MED17: variants seen among roughly 807,000 people sequenced by gnomAD.
MED17 encodes mediator complex subunit 17.
A neutral mutation model predicts 80.8 loss-of-function variants in MED17; 49 were observed. The ratio of observed to expected loss-of-function variants is 0.61; its 90% CI spans 0.48 to 0.77. The LOEUF (loss-of-function observed/expected upper bound fraction) is 0.77, where lower values mean the gene tolerates loss of function less well. MED17 is among the 30% of genes least tolerant of loss of function. MED17 has a pLI of 0.00. For synonymous variants in MED17, 281 were observed against 280.4 expected, an observed-to-expected ratio of 1.00 and a Z score of -0.02; for missense variants, 718 against 787.0, an observed-to-expected ratio of 0.91 and a Z score of 1.05.
intron 3 of MED17, 60 bp from the exon 4 acceptor site, chr11:93,793,668 A>G (rs1591384611): frequency 1.7e-6 from 2 of 1,207,622 alleles, no homozygotes; most frequent in Non-Finnish European, 2.4e-6. Flanking sequence ...ATATTTAATA[A>G]TGTGTGTCGG....
At chr11:93,810,026 A>G (rs747506778) in intron 11 of MED17, 150 bp downstream of exon 11, 1 of 782,368 alleles carries the variant, frequency 1.3e-6, no homozygotes, top group South Asian at 1.4e-5. Context: ...GATCATAGCT[A>G]TTATGCAGAG....
chr11:93,787,463 G>T (rs1356488654), intron 1 of MED17, among the ~76,000 whole-genome samples: 1 of 152,084 alleles, frequency 6.6e-6, no homozygotes, highest in Non-Finnish European at 1.5e-5. Context: ...GTTAATAGTG[G>T]TTACCTCTCA....
intron 8 of MED17, among the ~76,000 whole-genome samples, chr11:93,799,609 A>C (rs998641179): frequency 6.6e-6 from 1 of 152,176 alleles, no homozygotes; most frequent in Non-Finnish European, 1.5e-5. Context: ...GCCCATCTCT[A>C]CAAAAAAATA....
chr11:93,807,465 T>C (rs1370527142), intron 9 of MED17, 53 bp from the exon 10 acceptor site: 8 of 939,500 alleles, frequency 8.5e-6, no homozygotes, highest in Non-Finnish European at 1.4e-5. Flanking sequence ...ATTTATGAAA[T>C]TGTATAAGAT....
intron 6 of MED17, chr11:93,795,393 CTTA>C (rs1943888952): frequency 3.0e-6 from 1 of 337,634 alleles, no homozygotes; most frequent in Non-Finnish European, 5.5e-6. Flanking sequence ...GGGATCCTGC[CTTA>C]TTATCTAAAT....
chr11:93,796,440 C>A lies in MED17; in HGVS notation c.1043C>A (p.Ser348Tyr). Residue 348 changes from serine to tyrosine, a missense_variant, in exon 7 of 12, where the codon TCC becomes TAC. Coordinates refer to ENST00000251871, the MANE Select transcript of MED17 (RefSeq NM_004268.5). ...CAGTTATCTATTTCTTTGTGCCATT[C>A]CTCAAATGATAAGAAATCCCAAAAA... The part of the protein sequence containing the change: ...SLQLSISLCH[S>Y]SNDKKSQKFA... 2 of 1,612,990 alleles carry A rather than the reference C, an allele frequency of 1.2e-6. No individual in the cohort carries two copies. Among genetic ancestry groups the A allele is most frequent in the East Asian group, 2.2e-5 (1 of 44,874 alleles).
At chr11:93,790,471 C>T in intron 2 of MED17, 103 bp from the exon 3 acceptor site, 1 of 975,384 alleles carries the variant, frequency 1.0e-6, no homozygotes, top group Admixed American at 1.9e-5. Flanking sequence ...ACTTGCCCCT[C>T]CTTTTTGCTT....
intron 9 of MED17, among the ~76,000 whole-genome samples, chr11:93,804,603 CT>C (rs954514924): frequency 2.0e-5 from 3 of 151,766 alleles, no homozygotes; most frequent in South Asian, 4.2e-4. Flanking sequence ...TCTTTAAAAA[CT>C]TTTTTTTTAC....
At chr11:93,803,049 T>C (rs1434472180) in intron 9 of MED17, among the ~76,000 whole-genome samples, 1 of 152,170 alleles carries the variant, frequency 6.6e-6, no homozygotes, top group East Asian at 1.9e-4. Flanking sequence ...ACAATGCTGT[T>C]GTCCAGGCTG....
At chr11:93,791,626 A>T (rs1943836931) in intron 3 of MED17, among the ~76,000 whole-genome samples, 1 of 152,048 alleles carries the variant, frequency 6.6e-6, no homozygotes. Context: ...TGATCCCTTG[A>T]GCCCAGGAGG....
intron 2 of MED17, 75 bp from the exon 3 acceptor site, chr11:93,790,499 A>T: frequency 7.5e-7 from 1 of 1,337,690 alleles, no homozygotes. Context: ...ACTTCATTTT[A>T]TTATTGATAA....
chr11:93,801,457 T>A (rs1943961147), intron 8 of MED17: 1 of 226,540 alleles, frequency 4.4e-6, no homozygotes, highest in Non-Finnish European at 8.9e-6. Flanking sequence ...TTACCAGGGA[T>A]CAAGTACTGA....
chr11:93,811,566 A>G (rs1472246847), intron 11 of MED17: 1 of 395,444 alleles, frequency 2.5e-6, no homozygotes, highest in Non-Finnish European at 4.6e-6. Flanking sequence ...AAACAAAAAG[A>G]TGATTTCCTG....
chr11:93,807,575 T>C lies in MED17; in HGVS notation c.1524T>C (p.Asp508=). ...AGCAGATTCGAGTTGTACATAGAGATGGAAGAGTAATTACACTGTCTTATC... is the reference window on the plus strand; with the variant it reads ...AGCAGATTCGAGTTGTACATAGAGACGGAAGAGTAATTACACTGTCTTATC... ...GVEQIRVVHR[D]GRVITLSYQE... Residue 508 remains aspartate (D), a synonymous_variant, in exon 10 of 12, where the codon GAT becomes GAC. Transcript: ENST00000251871. The C allele has an allele frequency of 1.9e-6, 3 of 1,613,734 alleles. No individual in the cohort carries two copies. The highest frequency in any genetic ancestry group is 2.5e-6 in the Non-Finnish European group (3 of 1,179,712).
At chr11:93,810,170 TA>T (rs958563147) in intron 11 of MED17, 14 of 381,408 alleles carry the variant, frequency 3.7e-5, no homozygotes, top group Admixed American at 1.9e-4. Context: ...ATAAAAACTT[TA>T]AAAAAAATAT....
rs1356197243 is a variant in MED17 at position 93,811,741 on chromosome 11, AGTTG to A, written c.1745-109_1745-106del. 2.4e-5 allele frequency: 23 copies of A among 965,658 alleles called. No homozygotes were observed. The East Asian group carries it at 5.6e-4, about 24-fold the overall frequency. The allele number at this position is 965,658 out of a possible 1,614,324, so 59.8% of individuals were successfully genotyped here. A position where few individuals can be genotyped will look rare whatever the true frequency, so the allele number is the denominator to read the frequency against. Reference sequence around the variant, plus strand: ...AAGCACTTTTTTACAAGAATATTTAAGTTGGTAGACAAAGTTTTTGTATTCACAG... The same window carrying A: ...AAGCACTTTTTTACAAGAATATTTAAGTAGACAAAGTTTTTGTATTCACAG... On this transcript the variant is annotated intron_variant, in intron 11 of 11. Transcript: ENST00000251871.
intron 9 of MED17, among the ~76,000 whole-genome samples, chr11:93,803,978 T>TGC (rs1565293134): frequency 1.2e-5 from 1 of 82,990 alleles, no homozygotes; most frequent in Non-Finnish European, 2.1e-5. Context: ...TATATGTGTG[T>TGC]GTGTGTGTAT....
At chr11:93,796,261 C>T (rs998330027) in intron 6 of MED17, 149 bp from the exon 7 acceptor site, 2 of 828,706 alleles carry the variant, frequency 2.4e-6, no homozygotes, top group Non-Finnish European at 3.9e-6. Flanking sequence ...AAATAGTAAT[C>T]TTGATATACA....
At chr11:93,809,953 G>C (rs991390972) in intron 11 of MED17, 77 bp downstream of exon 11, 4 of 1,412,814 alleles carry the variant, frequency 2.8e-6, no homozygotes, top group Non-Finnish European at 4.0e-6. Context: ...ATTAAATATG[G>C]GTAAGAGTAA....
Sources: gnomAD v4.1 joint callset for allele counts (sites outside exome capture counted in the v4.1 genomes callset) on GRCh38, gnomAD v4.1.1 for gene constraint, MANE v1.5 for transcripts, NCBI Gene and HGNC (gene_info 2026-07-23, HGNC 2026-07-21) for gene names.